Variants in GKAP1 observed in about 807,000 individuals in gnomAD.
The protein encoded by GKAP1 is G kinase-anchoring protein 1.
GKAP1 carries 31 observed loss-of-function variants against 56.7 expected under a neutral mutation model. That is an observed-to-expected ratio of 0.55 (90% CI 0.41 to 0.74). The LOEUF (loss-of-function observed/expected upper bound fraction) is 0.74, where lower values mean the gene tolerates loss of function less well. Among genes scored for constraint, GKAP1 ranks in the 30% least tolerant of loss-of-function variants. The probability of loss-of-function intolerance (pLI) is 0.00; values close to 1 mark genes in which losing one functional copy is unlikely to be tolerated. For missense variants in GKAP1, 364 were observed against 402.3 expected, an observed-to-expected ratio of 0.90 and a Z score of 0.82; for synonymous variants, 151 against 138.6, an observed-to-expected ratio of 1.09 and a Z score of -0.63.
intron 8 of GKAP1, among the ~76,000 whole-genome samples, chr9:83,761,937 A>G (rs1943579297): frequency 1.3e-5 from 2 of 151,950 alleles, no homozygotes; most frequent in Non-Finnish European, 1.5e-5. Context: ...CAAGAAACCC[A>G]CAGCAAGTAA....
intron 5 of GKAP1, among the ~76,000 whole-genome samples, chr9:83,786,546 A>C (rs1483807630): frequency 6.6e-6 from 1 of 152,120 alleles, no homozygotes; most frequent in Non-Finnish European, 1.5e-5. Flanking sequence ...TGTCTCAAAA[A>C]AAAAAAAGAA....
chr9:83,753,007 C>T (rs1378078643), intron 9 of GKAP1, among the ~76,000 whole-genome samples: 1 of 151,994 alleles, frequency 6.6e-6, no homozygotes, highest in African/African-American at 2.4e-5. Context: ...TTGCACCGAG[C>T]TGAGATCACT....
At chr9:83,817,241 G>A (rs1944627557) in intron 1 of GKAP1, 114 bp from the exon 2 acceptor site, 1 of 151,826 alleles carries the variant, frequency 6.6e-6, no homozygotes, top group South Asian at 2.1e-4. Context: ...CCTGTCACTC[G>A]AGCGGCCCCC....
intron 2 of GKAP1, among the ~76,000 whole-genome samples, chr9:83,816,710 A>G (rs1944606404): frequency 6.6e-6 from 1 of 152,258 alleles, no homozygotes; most frequent in South Asian, 2.1e-4. Flanking sequence ...TTTTTAGTGT[A>G]AGACAGACGA....
At chr9:83,752,968 C>T (rs1325785481) in intron 9 of GKAP1, among the ~76,000 whole-genome samples, 2 of 151,744 alleles carry the variant, frequency 1.3e-5, no homozygotes, top group South Asian at 2.1e-4. Context: ...CTACTCAGGG[C>T]AGGAGAATCG....
intron 8 of GKAP1, among the ~76,000 whole-genome samples, chr9:83,763,726 C>G (rs190393750): frequency 6.6e-6 from 1 of 152,000 alleles, no homozygotes; most frequent in Admixed American, 6.6e-5. Flanking sequence ...TTTGCTTGTA[C>G]AAAAATAATT....
chr9:83,739,480 G>A lies in GKAP1; in HGVS notation c.*217C>T. ...GAAAAACTAAAGTGATAAGAAGTATGGATAGTAGACAACCACTGAATTCTG... is the reference window on the plus strand; with the variant it reads ...GAAAAACTAAAGTGATAAGAAGTATAGATAGTAGACAACCACTGAATTCTG... On this transcript the variant is annotated 3_prime_UTR_variant, in exon 13 of 13. Transcript: ENST00000376371. The A allele has an allele frequency of 2.5e-6, 1 of 405,656 alleles. No individual in the cohort carries two copies. The highest frequency in any genetic ancestry group is 4.4e-6 in the Non-Finnish European group (1 of 228,622). The allele number at this position is 405,656 out of a possible 1,614,324, so 25.1% of individuals were successfully genotyped here.
chr9:83,756,503 CA>C (rs1943480022), intron 8 of GKAP1, among the ~76,000 whole-genome samples: 1 of 118,164 alleles, frequency 8.5e-6, no homozygotes, highest in African/African-American at 2.9e-5. Context: ...GAAAACAAAA[CA>C]AAAAGAATTA....
chr9:83,746,724 T>TAA (rs140763928), intron 10 of GKAP1, among the ~76,000 whole-genome samples: 275 of 151,886 alleles, frequency 1.8e-3, no homozygotes, highest in Admixed American at 6.4e-3. Context: ...AATAACAATT[T>TAA]AAAAAAATCA....
chr9:83,793,762 T>C (rs1944201212), intron 4 of GKAP1, among the ~76,000 whole-genome samples: 1 of 152,234 alleles, frequency 6.6e-6, no homozygotes, highest in African/African-American at 2.4e-5. Flanking sequence ...ATGAGAGTGA[T>C]GTCACAAAAG....
intron 7 of GKAP1, among the ~76,000 whole-genome samples, chr9:83,774,129 C>A (rs1021564075): frequency 2.0e-5 from 3 of 151,968 alleles, no homozygotes; most frequent in African/African-American, 7.2e-5. Flanking sequence ...CCTCGGCCTC[C>A]CAAAGTGCTG....
At chr9:83,781,688 T>C (rs1476227582) in intron 6 of GKAP1, among the ~76,000 whole-genome samples, 1 of 152,188 alleles carries the variant, frequency 6.6e-6, no homozygotes, top group Middle Eastern at 3.2e-3. Flanking sequence ...TCAACTGTGT[T>C]AATCATGACT....
chr9:83,764,476 C>T (rs1011160413), intron 8 of GKAP1, among the ~76,000 whole-genome samples: 5 of 152,128 alleles, frequency 3.3e-5, no homozygotes, highest in African/African-American at 1.2e-4. Context: ...TCGGGTATTT[C>T]TTCATAGCAG....
At chr9:83,780,017 G>A (rs554645413) in intron 7 of GKAP1, among the ~76,000 whole-genome samples, 19 of 151,930 alleles carry the variant, frequency 1.3e-4, no homozygotes, top group Non-Finnish European at 5.9e-5. Flanking sequence ...AAAATAATAT[G>A]AGACATCTTC....
intron 3 of GKAP1, 81 bp from the exon 4 acceptor site, chr9:83,799,409 A>C (rs1352330721): frequency 9.6e-7 from 1 of 1,042,588 alleles, no homozygotes; most frequent in South Asian, 1.5e-5. Flanking sequence ...AAAAAAAACC[A>C]ATGATATTTT....
intron 7 of GKAP1, among the ~76,000 whole-genome samples, chr9:83,772,147 A>G (rs144689840): frequency 7.2e-5 from 11 of 152,276 alleles, no homozygotes; most frequent in South Asian, 2.1e-4. Context: ...ATTTAACATA[A>G]TAAGTCTAGC....
At chr9:83,773,354 C>T (rs999911155) in intron 7 of GKAP1, among the ~76,000 whole-genome samples, 1 of 152,058 alleles carries the variant, frequency 6.6e-6, no homozygotes, top group African/African-American at 2.4e-5. Flanking sequence ...CAGTGGTTGC[C>T]AGGGGCTGAA....
At chr9:83,810,038 C>T (rs1457735998) in intron 2 of GKAP1, among the ~76,000 whole-genome samples, 10 of 152,118 alleles carry the variant, frequency 6.6e-5, no homozygotes. Context: ...TCTCCAACTC[C>T]TGGGCTCAAG....
intron 3 of GKAP1, among the ~76,000 whole-genome samples, chr9:83,803,547 A>G (rs1032200093): frequency 4.6e-5 from 7 of 152,162 alleles, no homozygotes; most frequent in African/African-American, 1.4e-4. Context: ...AGTGTGGTTC[A>G]CTCAGTGCTC....
Sources: allele counts gnomAD v4.1 joint callset (sites outside exome capture counted in the v4.1 genomes callset), GRCh38; gene constraint gnomAD v4.1.1; transcripts MANE v1.5; gene names NCBI Gene and HGNC (gene_info 2026-07-23, HGNC 2026-07-21).